Variants in AGBL1 observed in about 807,000 individuals in gnomAD.
AGBL1 encodes the protein cytosolic carboxypeptidase 4.
Under a neutral mutation model 118.9 loss-of-function variants are expected in AGBL1, and 130 were observed. That is an observed-to-expected ratio of 1.09 (90% CI 0.95 to 1.26). The LOEUF (loss-of-function observed/expected upper bound fraction) is 1.26, where lower values mean the gene tolerates loss of function less well. Among genes scored for constraint, AGBL1 ranks in the 50% most tolerant of loss-of-function variants. The pLI is 0.00. For synonymous variants in AGBL1, 555 were observed against 478.9 expected, an observed-to-expected ratio of 1.16 and a Z score of -2.08; for missense variants, 1,584 against 1,298.1, an observed-to-expected ratio of 1.22 and a Z score of -3.38.
intron 1 of AGBL1, among the ~76,000 whole-genome samples, chr15:86,092,065 A>G (rs139100392): frequency 3.0e-4 from 46 of 152,302 alleles, no homozygotes; most frequent in African/African-American, 1.1e-3. Context: ...GTTGTCCTTC[A>G]TCTATTCAAC....
chr15:86,628,387 C>A lies in AGBL1; in HGVS notation c.2995-45886C>A, dbSNP rs1485294673. On this transcript the variant is annotated intron_variant, in intron 21 of 22. Transcript: ENST00000614907. ...CTTTGCCTTGAGGTATTTCTCTCTG[C>A]CTATTTTCTCATATGCAAGATGAGG... 2.0e-5 allele frequency among the ~76,000 whole-genome samples: 3 copies of A among 152,138 alleles called. No individual in the cohort carries two copies. In the East Asian group the frequency reaches 5.8e-4, roughly 29 times the overall value.
chr15:86,223,080 A>G (rs2078304505), intron 5 of AGBL1, among the ~76,000 whole-genome samples: 1 of 152,164 alleles, frequency 6.6e-6, no homozygotes, highest in Non-Finnish European at 1.5e-5. Context: ...GCTTTAACCC[A>G]TCCCTTCTTC....
At chr15:86,455,000 G>T (rs2082242440) in intron 18 of AGBL1, among the ~76,000 whole-genome samples, 1 of 152,112 alleles carries the variant, frequency 6.6e-6, no homozygotes, top group Non-Finnish European at 1.5e-5. Context: ...GCAGACTATT[G>T]CCTCCCTAAG....
At chr15:86,212,994 C>T (rs533516610) in intron 5 of AGBL1, among the ~76,000 whole-genome samples, 6 of 152,264 alleles carry the variant, frequency 3.9e-5, no homozygotes, top group East Asian at 1.9e-4. Context: ...GTTTTAATGA[C>T]GATCTTAATT....
At chr15:86,603,836 T>TA (rs2084533552) in intron 21 of AGBL1, among the ~76,000 whole-genome samples, 1 of 152,160 alleles carries the variant, frequency 6.6e-6, no homozygotes, top group Non-Finnish European at 1.5e-5. Context: ...CATTTGTTTT[T>TA]GTTGTTGTTG....
At chr15:86,423,007 C>A (rs1020935039) in intron 18 of AGBL1, among the ~76,000 whole-genome samples, 6 of 152,114 alleles carry the variant, frequency 3.9e-5, no homozygotes, top group African/African-American at 1.4e-4. Flanking sequence ...CTACCAGAGA[C>A]ACAAAGAGGA....
intron 15 of AGBL1, among the ~76,000 whole-genome samples, chr15:86,278,506 A>G (rs1233216791): frequency 2.1e-5 from 3 of 145,504 alleles, no homozygotes; most frequent in Admixed American, 1.4e-4. Context: ...TCTTTCTTCC[A>G]TGCTTACTTT....
At chr15:86,116,601 C>T (rs1416063276) in intron 1 of AGBL1, 1 of 152,334 alleles carries the variant, frequency 6.6e-6, no homozygotes, top group East Asian at 1.9e-4. Flanking sequence ...TGAGCTGGGA[C>T]ATTGGACACT....
intron 22 of AGBL1, among the ~76,000 whole-genome samples, chr15:86,864,483 A>G (rs1284315851): frequency 6.6e-6 from 1 of 152,192 alleles, no homozygotes; most frequent in African/African-American, 2.4e-5. Flanking sequence ...AGATAAGAAA[A>G]TGGATATGCA....
At chr15:86,825,892 G>C (rs2079005074) in intron 22 of AGBL1, among the ~76,000 whole-genome samples, 1 of 6,230 alleles carries the variant, frequency 1.6e-4, no homozygotes, top group African/African-American at 3.4e-4. Flanking sequence ...TGGATGGATA[G>C]ATAGATAGAT....
chr15:86,944,377 A>AAAT (rs368084988), intron 23 of AGBL1, among the ~76,000 whole-genome samples: 2,372 of 151,504 alleles, frequency 0.016, 22 homozygotes, highest in Admixed American at 0.022. Context: ...AACTCCGTCT[A>AAAT]AATAATAATA....
rs777926977 is a variant in AGBL1, at chr15:86,264,611, C to T, written c.1440C>T (p.Ala480=). 1 of 1,613,698 alleles carries T rather than the reference C, an allele frequency of 6.2e-7. No homozygotes were observed. The highest frequency in any genetic ancestry group is 8.5e-7 in the Non-Finnish European group (1 of 1,179,834). Residue 480 remains alanine (A), a synonymous_variant, in exon 11 of 23, where the codon GCC becomes GCT. Coordinates refer to ENST00000614907, the MANE Select transcript of AGBL1 (RefSeq NM_001386094.1). ...VDAIFCPRMS[A]SFSNSTRTRE... is the part of the protein sequence containing the mutation. ...CAATTTTCTGCCCAAGGATGAGTGC[C>T]TCCTTTTCTAATTCCACTAGGACTA...
At chr15:86,537,547 T>C (rs1220545439) in intron 19 of AGBL1, among the ~76,000 whole-genome samples, 3 of 152,180 alleles carry the variant, frequency 2.0e-5, no homozygotes, top group Non-Finnish European at 4.4e-5. Flanking sequence ...TTACCACTCA[T>C]GGAGGGATGG....
At chr15:86,826,536 A>C (rs1480336520) in intron 22 of AGBL1, among the ~76,000 whole-genome samples, 1 of 152,146 alleles carries the variant, frequency 6.6e-6, no homozygotes, top group Non-Finnish European at 1.5e-5. Context: ...GGAGATCAAA[A>C]TTTCCAGAAG....
At chr15:86,347,123 A>G (rs1442226930) in intron 17 of AGBL1, among the ~76,000 whole-genome samples, 1 of 152,230 alleles carries the variant, frequency 6.6e-6, no homozygotes, top group Non-Finnish European at 1.5e-5. Context: ...TTGATTACTA[A>G]TGAGGCAGAC....
chr15:86,234,405 G>A (rs1268196211), intron 6 of AGBL1, among the ~76,000 whole-genome samples: 1 of 151,998 alleles, frequency 6.6e-6, no homozygotes, highest in African/African-American at 2.4e-5. Flanking sequence ...ACAAAAATTA[G>A]CTGTGCGTGA....
chr15:86,674,519 C>T, intron 22 of AGBL1, 83 bp downstream of exon 22: 1 of 1,391,404 alleles, frequency 7.2e-7, no homozygotes. Context: ...GTCGAGTGGA[C>T]CTAGGGGTCT....
At chr15:86,429,383 G>A (rs553764306) in intron 18 of AGBL1, among the ~76,000 whole-genome samples, 62 of 152,188 alleles carry the variant, frequency 4.1e-4, no homozygotes, top group Non-Finnish European at 7.8e-4. Flanking sequence ...CAACATGGAC[G>A]TATGATGAAT....
At chr15:86,974,968 C>G (rs1421507334) in intron 23 of AGBL1, among the ~76,000 whole-genome samples, 1 of 151,866 alleles carries the variant, frequency 6.6e-6, no homozygotes, top group Admixed American at 6.6e-5. Flanking sequence ...GTATTAGGGA[C>G]TTTAGGCAAG....
Sources: allele counts gnomAD v4.1 joint callset (sites outside exome capture counted in the v4.1 genomes callset), GRCh38; gene constraint gnomAD v4.1.1; transcripts MANE v1.5; gene names NCBI Gene and HGNC (gene_info 2026-07-23, HGNC 2026-07-21).